The following CDYL variants were observed in gnomAD, a reference collection of about 807,000 sequenced individuals.
CDYL encodes chromodomain Y like.
In CDYL, 8 loss-of-function variants were observed where a neutral mutation model predicts 47.3. The observed-to-expected ratio is 0.17, with a 90% CI of 0.10 to 0.31. CDYL has a LOEUF of 0.31. CDYL is among the 10% of genes least tolerant of loss of function. CDYL has a pLI of 1.00. For missense variants in CDYL, 471 were observed against 701.4 expected (o/e 0.67, Z 3.71); for synonymous variants, 266 against 265.0 (o/e 1.00, Z -0.04).
chr6:4,948,250 TGTG>T (rs1758590555), intron 5 of CDYL, among the ~76,000 whole-genome samples: 1 of 152,044 alleles, frequency 6.6e-6, no homozygotes, highest in Non-Finnish European at 1.5e-5. Context: ...TCGGTGCAGA[TGTG>T]GGGCAAATAC....
At chr6:4,743,828 A>C (rs1022905182) in intron 3 of CDYL, among the ~76,000 whole-genome samples, 5 of 152,244 alleles carry the variant, frequency 3.3e-5, no homozygotes, top group Non-Finnish European at 1.5e-5. Context: ...GTGGCTTGTC[A>C]GATGTGTAGT....
At chr6:4,844,695 T>G (rs1030067579) in intron 1 of CDYL, among the ~76,000 whole-genome samples, 4 of 152,228 alleles carry the variant, frequency 2.6e-5, no homozygotes. Context: ...TTGTTGACAT[T>G]TGGATTTTAT....
At chr6:4,720,440 T>C (rs7748862) in intron 2 of CDYL, among the ~76,000 whole-genome samples, 19,511 of 152,222 alleles carry the variant, frequency 0.13, 1,532 homozygotes, top group African/African-American at 0.23. Context: ...GAATTAAATG[T>C]AATATGCTCA....
intron 1 of CDYL, among the ~76,000 whole-genome samples, chr6:4,841,394 T>G (rs1330504631): frequency 6.6e-6 from 1 of 152,116 alleles, no homozygotes; most frequent in African/African-American, 2.4e-5. Flanking sequence ...TGGAATTTCA[T>G]TTAGTTCTGT....
At chr6:4,857,083 T>G (rs1430426504) in intron 1 of CDYL, among the ~76,000 whole-genome samples, 1 of 152,224 alleles carries the variant, frequency 6.6e-6, no homozygotes. Context: ...TGTTATAGTT[T>G]GTGGCCTTTT....
chr6:4,722,298 C>CA (rs1174153670), intron 2 of CDYL, among the ~76,000 whole-genome samples: 1 of 151,898 alleles, frequency 6.6e-6, no homozygotes, highest in East Asian at 1.9e-4. Flanking sequence ...CCCATCTCAA[C>CA]AAAAAAATTA....
At chr6:4,924,419 C>T (rs2127511614) in intron 2 of CDYL, among the ~76,000 whole-genome samples, 1 of 152,286 alleles carries the variant, frequency 6.6e-6, no homozygotes, top group South Asian at 2.1e-4. Context: ...TTCTAGCATT[C>T]TCAAGTTATT....
intron 1 of CDYL, among the ~76,000 whole-genome samples, chr6:4,836,992 C>A (rs1760335204): frequency 6.6e-6 from 1 of 152,198 alleles, no homozygotes; most frequent in Non-Finnish European, 1.5e-5. Context: ...AAGTCTCTCT[C>A]ATGAGAGTGA....
chr6:4,771,275 G>A (rs757768419), intron 3 of CDYL, among the ~76,000 whole-genome samples: 2 of 151,928 alleles, frequency 1.3e-5, no homozygotes, highest in Non-Finnish European at 2.9e-5. Flanking sequence ...CACCACACCC[G>A]GCTAATTTTT....
In CDYL at chr6:4,911,620, A is replaced by C. The variant is rs139444867; in HGVS notation, c.691+19241A>C. ...TTCTAGGGATAGCTAAAAGCCTCAG[A>C]GTTCATGTCATAGAGCATGGTGTTT... On this transcript the variant is annotated intron_variant, in intron 2 of 6. Coordinates refer to ENST00000397588, the MANE Select transcript of CDYL (RefSeq NM_004824.4). Among the ~76,000 whole-genome samples, 1,052 of 152,326 alleles carry C rather than the reference A, an allele frequency of 6.9e-3. 15 individuals are homozygous for C. The highest frequency in any genetic ancestry group is 0.025 in the African/African-American group (1,021 of 41,564).
intron 5 of CDYL, among the ~76,000 whole-genome samples, chr6:4,947,518 C>G (rs883487): frequency 0.079 from 11,978 of 152,158 alleles, 1,513 homozygotes; most frequent in African/African-American, 0.27. Context: ...CACCCATGTC[C>G]CTGCCCCTCA....
At chr6:4,738,351 C>T (rs930371484) in intron 3 of CDYL, among the ~76,000 whole-genome samples, 82 of 152,034 alleles carry the variant, frequency 5.4e-4, no homozygotes, top group African/African-American at 1.9e-3. Flanking sequence ...TGCACCTCAG[C>T]GTGGGTGACC....
At chr6:4,949,264 G>A (rs1758624383) in intron 5 of CDYL, among the ~76,000 whole-genome samples, 1 of 152,242 alleles carries the variant, frequency 6.6e-6, no homozygotes, top group Non-Finnish European at 1.5e-5. Context: ...CTGCTGGGGT[G>A]TGAAGCTGGA....
chr6:4,887,462 A>G (rs1761928739), intron 1 of CDYL, among the ~76,000 whole-genome samples: 1 of 151,424 alleles, frequency 6.6e-6, no homozygotes, highest in Admixed American at 6.6e-5. Flanking sequence ...TCTTAATTTC[A>G]TATTTGGTTT....
intron 1 of CDYL, among the ~76,000 whole-genome samples, chr6:4,825,025 C>T (rs1759940264): frequency 1.3e-5 from 2 of 152,078 alleles, no homozygotes; most frequent in Admixed American, 6.5e-5. Flanking sequence ...TGCCCACCAC[C>T]AAGCCCAGCT....
chr6:4,844,589 T>C (rs1306771069), intron 1 of CDYL, among the ~76,000 whole-genome samples: 1 of 152,242 alleles, frequency 6.6e-6, no homozygotes, highest in Non-Finnish European at 1.5e-5. Context: ...CTTGTGACTC[T>C]GAAGAATATT....
chr6:4,875,491 C>T lies in CDYL; in HGVS notation c.25-16222C>T, dbSNP rs556670427. ...TAGGTACTCTTTAATTTGTCTCAGCCATGTTTTGCCATTTTTGTTAAACTT... is the reference window on the plus strand; with the variant it reads ...TAGGTACTCTTTAATTTGTCTCAGCTATGTTTTGCCATTTTTGTTAAACTT... On this transcript the variant is annotated intron_variant, in intron 1 of 6. Transcript: ENST00000397588. Among the ~76,000 whole-genome samples, 37 of 152,270 alleles carry T rather than the reference C, an allele frequency of 2.4e-4. 1 individual carries two copies. The Middle Eastern group carries it at 0.024, about 98-fold the overall frequency.
intron 2 of CDYL, among the ~76,000 whole-genome samples, chr6:4,901,320 A>G (rs1475032383): frequency 1.3e-5 from 2 of 152,158 alleles, no homozygotes; most frequent in Non-Finnish European, 2.9e-5. Context: ...GCCCTGTTAC[A>G]AATCCTCCTT....
chr6:4,906,049 G>T (rs1262006364), intron 2 of CDYL, among the ~76,000 whole-genome samples: 1 of 152,116 alleles, frequency 6.6e-6, no homozygotes, highest in Non-Finnish European at 1.5e-5. Flanking sequence ...AGATGACGTG[G>T]TCTCTAAGGA....
Sources: gnomAD v4.1 joint callset for allele counts (sites outside exome capture counted in the v4.1 genomes callset) on GRCh38, gnomAD v4.1.1 for gene constraint, MANE v1.5 for transcripts, NCBI Gene and HGNC (gene_info 2026-07-23, HGNC 2026-07-21) for gene names.